POU2F3: variants seen among roughly 807,000 people sequenced by gnomAD.
POU2F3 encodes POU class 2 homeobox 3.
In POU2F3, 23 loss-of-function variants were observed where a neutral mutation model predicts 59.2. That is an observed-to-expected ratio of 0.39 (90% CI 0.28 to 0.55). POU2F3 has a LOEUF of 0.55. POU2F3 is among the 20% of genes least tolerant of loss of function. POU2F3 has a pLI of 0.66. For synonymous variants in POU2F3, 190 were observed against 214.6 expected (o/e 0.89, Z 1.00); for missense variants, 473 against 544.5 (o/e 0.87, Z 1.31).
At chr11:120,288,102 G>A (rs375774177) in intron 3 of POU2F3, among the ~76,000 whole-genome samples, 2 of 20,620 alleles carry the variant, frequency 9.7e-5, no homozygotes, top group Non-Finnish European at 2.1e-4. Flanking sequence ...AAAAAGAAAA[G>A]AAAGAAAGAA....
chr11:120,298,828 C>T (rs113190660), intron 4 of POU2F3, among the ~76,000 whole-genome samples: 9,009 of 152,230 alleles, frequency 0.059, 315 homozygotes, highest in Middle Eastern at 0.065. Context: ...AGCCAAGGTC[C>T]GGGAGGGCGT....
intron 2 of POU2F3, among the ~76,000 whole-genome samples, chr11:120,264,511 A>G (rs1315229586): frequency 6.6e-6 from 1 of 152,152 alleles, no homozygotes; most frequent in Non-Finnish European, 1.5e-5. Flanking sequence ...AGAGGAGGAG[A>G]GAAGGGCCTT....
chr11:120,308,233 T>C (rs1359979834), intron 9 of POU2F3, among the ~76,000 whole-genome samples: 4 of 152,162 alleles, frequency 2.6e-5, no homozygotes, highest in Non-Finnish European at 5.9e-5. Context: ...CCGTGTGGGC[T>C]GGGGAAGAGA....
intron 4 of POU2F3, among the ~76,000 whole-genome samples, chr11:120,298,602 A>G (rs1941257974): frequency 6.6e-6 from 1 of 152,216 alleles, no homozygotes; most frequent in South Asian, 2.1e-4. Flanking sequence ...CTCAGAGACA[A>G]AAAGGACCCA....
rs538389355 is a variant in POU2F3, at chr11:120,286,302, G to GT, written c.133-11961dup. Among the ~76,000 whole-genome samples, 51 of 152,218 alleles carry GT rather than the reference G, an allele frequency of 3.4e-4. 1 individual carries two copies. The South Asian group carries it at 9.5e-3, about 28-fold the overall frequency. The stretch of plus-strand genomic sequence containing the variant: ...AACTCCTTGAATTCGTTTGTGCCTT[G>GT]TTGCCTTTACATGCATGTGTTTTGG... On this transcript the variant is annotated intron_variant, in intron 3 of 12. Transcript: ENST00000543440.
At chr11:120,275,495 C>T (rs912935144) in intron 3 of POU2F3, among the ~76,000 whole-genome samples, 7 of 152,290 alleles carry the variant, frequency 4.6e-5, no homozygotes, top group Admixed American at 6.5e-5. Context: ...CAACTGCATA[C>T]GTAGGTGGCC....
At chr11:120,282,190 C>T (rs1009549288) in intron 3 of POU2F3, among the ~76,000 whole-genome samples, 1 of 152,210 alleles carries the variant, frequency 6.6e-6, no homozygotes, top group Non-Finnish European at 1.5e-5. Context: ...TCAGTCATTA[C>T]TAAAGCAGTC....
intron 9 of POU2F3, among the ~76,000 whole-genome samples, chr11:120,308,801 G>A (rs1264098346): frequency 6.6e-6 from 1 of 151,694 alleles, no homozygotes; most frequent in Non-Finnish European, 1.5e-5. Context: ...AGCTGGGCGT[G>A]GTGATGTATG....
At chr11:120,293,485 A>C (rs1941096818) in intron 3 of POU2F3, among the ~76,000 whole-genome samples, 1 of 152,122 alleles carries the variant, frequency 6.6e-6, no homozygotes, top group African/African-American at 2.4e-5. Flanking sequence ...ACTCTTCCTC[A>C]CTGCTAGGGA....
intron 3 of POU2F3, among the ~76,000 whole-genome samples, chr11:120,293,278 C>T (rs1459612460): frequency 6.6e-6 from 1 of 152,172 alleles, no homozygotes; most frequent in Admixed American, 6.5e-5. Context: ...AGGCAGGAGC[C>T]TTGGACTCCT....
At chr11:120,294,857 C>T (rs968760916) in intron 3 of POU2F3, among the ~76,000 whole-genome samples, 1 of 152,000 alleles carries the variant, frequency 6.6e-6, no homozygotes, top group Admixed American at 6.6e-5. Flanking sequence ...GGATTGTCTT[C>T]TTTTGGGGTT....
intron 5 of POU2F3, chr11:120,301,069 C>T (rs1271422800): frequency 2.2e-6 from 1 of 456,226 alleles, no homozygotes; most frequent in East Asian, 6.9e-5. Context: ...ATGAAAATGG[C>T]CCAGGCTTAT....
chr11:120,282,597 A>G (rs1940615314), intron 3 of POU2F3, among the ~76,000 whole-genome samples: 1 of 152,208 alleles, frequency 6.6e-6, no homozygotes, highest in South Asian at 2.1e-4. Flanking sequence ...CAGAGCTTGC[A>G]GTGAGTCAAG....
At chr11:120,314,475 T>C (rs1280213452) in intron 10 of POU2F3, among the ~76,000 whole-genome samples, 1 of 152,250 alleles carries the variant, frequency 6.6e-6, no homozygotes, top group Non-Finnish European at 1.5e-5. Context: ...AAGCTGACAC[T>C]CTTTGCCAGC....
intron 2 of POU2F3, among the ~76,000 whole-genome samples, chr11:120,260,292 C>G (rs17123753): frequency 0.08 from 12,172 of 152,268 alleles, 1,180 homozygotes; most frequent in East Asian, 0.55. Context: ...GTTGGCTCAT[C>G]TTGGAGGTGG....
chr11:120,276,778 C>T (rs1940345349), intron 3 of POU2F3, among the ~76,000 whole-genome samples: 1 of 152,170 alleles, frequency 6.6e-6, no homozygotes. Flanking sequence ...CTGGCCACAA[C>T]AGGCTTTCTA....
chr11:120,310,167 G>C (rs2135127390), intron 10 of POU2F3, among the ~76,000 whole-genome samples: 1 of 152,306 alleles, frequency 6.6e-6, no homozygotes, highest in South Asian at 2.1e-4. Context: ...GAATGACAAT[G>C]GTCAGGCTGT....
chr11:120,309,732 G>A (rs1011106432), intron 10 of POU2F3, 146 bp downstream of exon 10: 30 of 1,002,992 alleles, frequency 3.0e-5, no homozygotes, highest in South Asian at 1.3e-4. Context: ...AAAGAAGGGC[G>A]AGGGAATAGA....
intron 2 of POU2F3, chr11:120,265,281 G>T (rs1687994433): frequency 6.6e-6 from 1 of 152,214 alleles, no homozygotes; most frequent in South Asian, 2.1e-4. Context: ...TAGACACATG[G>T]GCTCGGAGAC....
Sources: allele counts gnomAD v4.1 joint callset (sites outside exome capture counted in the v4.1 genomes callset), GRCh38; gene constraint gnomAD v4.1.1; transcripts MANE v1.5; gene names NCBI Gene and HGNC (gene_info 2026-07-23, HGNC 2026-07-21).